The following KIF24 variants were observed in gnomAD, a reference collection of about 807,000 sequenced individuals.
KIF24 encodes the protein kinesin-like protein KIF24.
KIF24 carries 81 observed loss-of-function variants against 118.9 expected under a neutral mutation model. The observed-to-expected ratio is 0.68, with a 90% confidence interval of 0.57 to 0.82. KIF24 has a LOEUF of 0.82. KIF24 is among the 40% of genes least tolerant of loss of function. The pLI is 0.00. For missense variants in KIF24, 1,560 were observed against 1,661.6 expected (o/e 0.94, Z 1.06); for synonymous variants, 599 against 610.0 (o/e 0.98, Z 0.27).
chr9:34,281,263 T>C (rs757058433), intron 6 of KIF24, among the ~76,000 whole-genome samples: 6 of 152,172 alleles, frequency 3.9e-5, no homozygotes, highest in Non-Finnish European at 8.8e-5. Context: ...TGACCTCAAA[T>C]GACCTTCCAG....
intron 6 of KIF24, among the ~76,000 whole-genome samples, chr9:34,282,323 T>G (rs1413931244): frequency 6.6e-6 from 1 of 152,192 alleles, no homozygotes; most frequent in African/African-American, 2.4e-5. Flanking sequence ...ACGGACAGAA[T>G]TGGCAAATCC....
intron 5 of KIF24, among the ~76,000 whole-genome samples, chr9:34,288,227 T>C (rs1208379446): frequency 2.7e-5 from 4 of 150,902 alleles, no homozygotes; most frequent in African/African-American, 9.7e-5. Context: ...GGCTGAAACC[T>C]GTAATCCTAA....
Position 34,255,062 on chromosome 9 carries a change from G to A in KIF24, c.3966+10C>T. The A allele has an allele frequency of 6.4e-7, 1 of 1,559,400 alleles. No homozygotes were observed. Among genetic ancestry groups the A allele is most frequent in the Non-Finnish European group, 8.7e-7 (1 of 1,144,962 alleles). On this transcript the variant is annotated intron_variant, in intron 12 of 12. Transcript: ENST00000402558. ...CAACAGCCTGTGAGTGTCCAGCCAG[G>A]GCTACTTACATTAGAAGCCAGCTGG... is the stretch of plus-strand genomic sequence containing the variant.
At position 34,318,392 on chromosome 9, in the gene KIF24, C is replaced by A; in HGVS notation, c.-25-7021G>T. On this transcript the variant is annotated intron_variant, in intron 1 of 12. Transcript: ENST00000402558. The surrounding 1 kb of genome is among the most constrained non-coding windows in gnomAD (Gnocchi z 4.9). ...CAGGTCCATCGTGGTGCACGCAAAC[C>A]ACCTCCCAGCCACGCGCTCCCTCCT... 1.4e-6 allele frequency: 1 copy of A among 693,398 alleles called. No individual in the cohort carries two copies. Among genetic ancestry groups the A allele is most frequent in the South Asian group, 1.5e-5 (1 of 66,706 alleles). The allele number at this position is 693,398 out of a possible 1,614,324, so 43.0% of individuals were successfully genotyped here.
Position 34,254,396 on chromosome 9 carries a change from C to G in KIF24, c.4091G>C (p.Gly1364Ala), listed in dbSNP as rs184967195. Residue 1364 changes from glycine (G) to alanine (A), a missense_variant, in exon 13 of 13, where the codon GGA (glycine) becomes GCA (alanine). By Grantham distance (60) the Gly-to-Ala change is moderately conservative. Transcript: ENST00000402558. The part of the protein sequence containing the change: ...TCHGPTAAPE[G>A]TVPS Reference sequence around the variant, plus strand: ...GGTCTGGCTCTAAGACGGCACTGTTCCCTCAGGGGCTGCGGTGGGCCCGTG... The same window carrying G: ...GGTCTGGCTCTAAGACGGCACTGTTGCCTCAGGGGCTGCGGTGGGCCCGTG... The G allele has an allele frequency of 9.3e-6, 15 of 1,613,186 alleles. No individual in the cohort carries two copies. The highest frequency in any genetic ancestry group is 8.3e-5 in the Admixed American group (5 of 59,976).
At chr9:34,286,486 T>C (rs1447221203) in intron 6 of KIF24, 131 bp downstream of exon 6, 1 of 626,126 alleles carries the variant, frequency 1.6e-6, no homozygotes, top group East Asian at 2.7e-5. Context: ...ATTTTACAGA[T>C]GGGAAGTGGT....
chr9:34,314,707 A>C (rs1254357423), intron 1 of KIF24, among the ~76,000 whole-genome samples: 1 of 152,236 alleles, frequency 6.6e-6, no homozygotes, highest in Non-Finnish European at 1.5e-5. Context: ...GATAATACGT[A>C]CAAGTACAAA....
chr9:34,266,834 T>C lies in KIF24; in HGVS notation c.1443+2423A>G, dbSNP rs542115000. On this transcript the variant is annotated intron_variant, in intron 8 of 12. Transcript: ENST00000402558. ...AAGCCAGGAAGCTATCAAGAACGAGTAGGGTTGTACCAAAAAGACACAGGA... is the reference window on the plus strand; with the variant it reads ...AAGCCAGGAAGCTATCAAGAACGAGCAGGGTTGTACCAAAAAGACACAGGA... Among the ~76,000 whole-genome samples the C allele has an allele frequency of 2.6e-5, 4 of 151,870 alleles. No individual in the cohort carries two copies. In the South Asian group the frequency reaches 8.3e-4, roughly 32 times the overall value.
rs748826927 is a variant in KIF24, at chr9:34,256,448, G to A, written c.3159C>T (p.Thr1053=). The change falls in exon 11 of 13, where the codon ACC becomes ACT. Residue 1053 remains threonine, a synonymous_variant. Transcript: ENST00000402558. The part of the protein sequence containing the change: ...EYASGLMSPL[T]MSLLENPDNE... ...TGTCTGGGTTCTCCAGGAGGGACAT[G>A]GTGAGGGGAGACATGAGTCCAGAAG... 14 of 1,613,788 alleles carry A rather than the reference G, an allele frequency of 8.7e-6. No homozygotes were observed. The highest frequency in any genetic ancestry group is 1.2e-5 in the Non-Finnish European group (14 of 1,179,870).
chr9:34,318,915 A>T lies in KIF24; in HGVS notation c.-25-7544T>A, dbSNP rs984706238. On this transcript the variant is annotated intron_variant, in intron 1 of 12. Transcript: ENST00000402558. The surrounding 1 kb of genome is among the most constrained non-coding windows in gnomAD (Gnocchi z 4.9). ...TTCCATGACAAGCGCAGTGCGCTGC[A>T]GTCCATCCACGAGTGGGCCGTGCAG... 17 of 1,580,194 alleles carry T rather than the reference A, an allele frequency of 1.1e-5. No individual in the cohort carries two copies. Among genetic ancestry groups the T allele is most frequent in the Non-Finnish European group, 1.4e-5 (16 of 1,154,580 alleles).
chr9:34,272,761 T>C (rs751606472), intron 6 of KIF24, among the ~76,000 whole-genome samples: 6 of 152,268 alleles, frequency 3.9e-5, no homozygotes, highest in Non-Finnish European at 7.4e-5. Flanking sequence ...TAGCTGGGAT[T>C]ATAGGTGTGC....
Position 34,252,766 on chromosome 9 carries a change from C to T in KIF24, c.*1614G>A, listed in dbSNP as rs913759605. 1.1e-4 allele frequency: 17 copies of T among 152,138 alleles called. No homozygotes were observed. Among genetic ancestry groups the T allele is most frequent in the African/African-American group, 3.6e-4 (15 of 41,426 alleles). The allele number at this position is 152,138 out of a possible 1,614,324, so 9.4% of individuals were successfully genotyped here. ...CTGTGGACCAAGGACGTAGGCCTTCCTGACTGTGGAGTTGGGATAGGCTGG... is the reference window on the plus strand; with the variant it reads ...CTGTGGACCAAGGACGTAGGCCTTCTTGACTGTGGAGTTGGGATAGGCTGG... On this transcript the variant is annotated 3_prime_UTR_variant, in exon 13 of 13. Transcript: ENST00000402558.
intron 6 of KIF24, among the ~76,000 whole-genome samples, chr9:34,281,364 C>T (rs1438477060): frequency 6.6e-6 from 1 of 152,136 alleles, no homozygotes; most frequent in Non-Finnish European, 1.5e-5. Context: ...TCTAATTATA[C>T]ACTATAGGTA....
intron 6 of KIF24, 93 bp from the exon 7 acceptor site, chr9:34,272,023 A>G (rs1263457754): frequency 8.2e-7 from 1 of 1,212,886 alleles, no homozygotes; most frequent in Non-Finnish European, 1.1e-6. Flanking sequence ...CAGCAGACAT[A>G]TAATTGTGTC....
At chr9:34,323,263 AAAAT>A (rs1246379012) in intron 1 of KIF24, among the ~76,000 whole-genome samples, 1 of 152,234 alleles carries the variant, frequency 6.6e-6, no homozygotes, top group African/African-American at 2.4e-5. Context: ...TAACAGAAAA[AAAAT>A]AGTTTCAAGT....
At chr9:34,328,694 T>G (rs1453007613) in intron 1 of KIF24, among the ~76,000 whole-genome samples, 2 of 152,306 alleles carry the variant, frequency 1.3e-5, no homozygotes, top group Admixed American at 1.3e-4. Context: ...TGCAAGACAT[T>G]GTGAACGATG....
Position 34,255,815 on chromosome 9 carries a change from T to C in KIF24, c.3792A>G (p.Ala1264=), listed in dbSNP as rs760983262. The C allele has an allele frequency of 2.5e-5, 41 of 1,613,828 alleles. No homozygotes were observed. The East Asian group carries it at 6.0e-4, about 24-fold the overall frequency. ...TGGGAACCAAGGGAGAACTTGGCCT[T>C]GCTAAGCACCTTGAGATCGGCCTGG... The part of the protein sequence containing the change: ...LKPRPISRCL[A]RPSSPLVPSC... Residue 1264 remains alanine (A), a synonymous_variant, in exon 11 of 13, where the codon GCA becomes GCG. Coordinates refer to ENST00000402558, the MANE Select transcript of KIF24 (RefSeq NM_194313.4).
chr9:34,275,376 AAAGC>A (rs1215303342), intron 6 of KIF24, among the ~76,000 whole-genome samples: 1 of 151,736 alleles, frequency 6.6e-6, no homozygotes, highest in Non-Finnish European at 1.5e-5. Context: ...CCTAGGAAAC[AAAGC>A]AAGACTCTGT....
intron 1 of KIF24, among the ~76,000 whole-genome samples, chr9:34,324,688 G>A (rs929257634): frequency 6.6e-6 from 1 of 152,122 alleles, no homozygotes; most frequent in African/African-American, 2.4e-5. Context: ...ATAGTACAAA[G>A]TCCAAACTCC....
Sources: allele counts gnomAD v4.1 joint callset (sites outside exome capture counted in the v4.1 genomes callset), GRCh38; gene constraint gnomAD v4.1.1; non-coding constraint Gnocchi (gnomAD v3.1); transcripts MANE v1.5; gene names NCBI Gene and HGNC (gene_info 2026-07-23, HGNC 2026-07-21).